PKD2L2: variants seen among roughly 807,000 people sequenced by gnomAD.
PKD2L2 encodes the protein polycystin 2 like 2, transient receptor potential cation channel.
PKD2L2 carries 67 observed loss-of-function variants against 83.9 expected under a neutral mutation model. The ratio of observed to expected loss-of-function variants is 0.80; its 90% confidence interval spans 0.66 to 0.98. The LOEUF (loss-of-function observed/expected upper bound fraction) is 0.98, where lower values mean the gene tolerates loss of function less well. Ranked by LOEUF, PKD2L2 falls within the 50% of genes least tolerant of loss-of-function variation. The pLI, the probability that PKD2L2 is intolerant of heterozygous loss-of-function variation, is 0.00. For synonymous variants in PKD2L2, 223 were observed against 237.8 expected, an observed-to-expected ratio of 0.94 and a Z score of 0.57; for missense variants, 632 against 717.2, an observed-to-expected ratio of 0.88 and a Z score of 1.36.
intron 4 of PKD2L2, among the ~76,000 whole-genome samples, chr5:137,897,131 A>G (rs1756552639): frequency 6.6e-6 from 1 of 151,148 alleles, no homozygotes; most frequent in Non-Finnish European, 1.5e-5. Context: ...ATCATAGCTC[A>G]CTGCAGCCTT....
chr5:137,924,862 G>A (rs947970734), intron 10 of PKD2L2, among the ~76,000 whole-genome samples, 178 bp from the exon 11 acceptor site: 12 of 152,126 alleles, frequency 7.9e-5, no homozygotes, highest in Non-Finnish European at 1.6e-4. Flanking sequence ...TTCACCAGCA[G>A]GCGTAAACCA....
intron 4 of PKD2L2, 140 bp downstream of exon 4, chr5:137,894,749 G>T: frequency 1.5e-6 from 1 of 648,758 alleles, no homozygotes; most frequent in African/African-American, 1.8e-5. Context: ...GGAAGATGTG[G>T]AGATAGCAGT....
At chr5:137,938,403 C>G (rs1316277876) in intron 14 of PKD2L2, 2 of 152,562 alleles carry the variant, frequency 1.3e-5, no homozygotes, top group Non-Finnish European at 2.9e-5. Flanking sequence ...ATAAGATACA[C>G]AGTGCACATA....
intron 4 of PKD2L2, among the ~76,000 whole-genome samples, chr5:137,897,765 T>C (rs1045283225): frequency 6.6e-6 from 1 of 152,110 alleles, no homozygotes; most frequent in African/African-American, 2.4e-5. Flanking sequence ...AAAACATAGG[T>C]ACTTTTTCCT....
intron 14 of PKD2L2, chr5:137,942,076 C>T (rs1420210104): frequency 6.5e-7 from 1 of 1,529,506 alleles, no homozygotes; most frequent in Admixed American, 1.7e-5. Context: ...TACTGAAGGG[C>T]ACACTTGATT....
chr5:137,935,651 G>A (rs11743778), intron 12 of PKD2L2, 146 bp from the exon 13 acceptor site: 39,837 of 582,252 alleles, frequency 0.068, 1,543 homozygotes, highest in Middle Eastern at 0.11. Flanking sequence ...CTAAAATCTA[G>A]GCAGGGCAAA....
intron 8 of PKD2L2, among the ~76,000 whole-genome samples, chr5:137,916,595 T>A (rs1758375864): frequency 6.8e-6 from 1 of 146,830 alleles, no homozygotes; most frequent in African/African-American, 2.5e-5. Context: ...TTCTCGTGCC[T>A]CAGCCTCCCA....
chr5:137,892,967 G>A (rs984793017), intron 3 of PKD2L2, among the ~76,000 whole-genome samples: 1 of 152,114 alleles, frequency 6.6e-6, no homozygotes, highest in Non-Finnish European at 1.5e-5. Context: ...ACATTAGCCA[G>A]GCATGGTGAC....
At chr5:137,930,706 GAAAAC>G (rs1447142983) in intron 12 of PKD2L2, among the ~76,000 whole-genome samples, 1 of 135,200 alleles carries the variant, frequency 7.4e-6, no homozygotes, top group African/African-American at 2.7e-5. Context: ...AGAATTCCAA[GAAAAC>G]AAAATAATAA....
Position 137,942,736 on chromosome 5 carries a change from C to T in PKD2L2, c.*370C>T. ...GGAATGACAATAAATATTTGCAAATCACACTTGAAAAGCATGTGTCCTTTG... is the reference window on the plus strand; with the variant it reads ...GGAATGACAATAAATATTTGCAAATTACACTTGAAAAGCATGTGTCCTTTG... On this transcript the variant is annotated 3_prime_UTR_variant, in exon 15 of 15. Transcript: ENST00000508883. 1.6e-6 allele frequency: 1 copy of T among 637,108 alleles called. No homozygotes were observed. The highest frequency in any genetic ancestry group is 2.5e-6 in the Non-Finnish European group (1 of 398,170). 39.5% of individuals were successfully genotyped at this position (637,108 alleles called of 1,614,324 possible). A position where few individuals can be genotyped will look rare whatever the true frequency, so the allele number is the denominator to read the frequency against.
rs148847808 is a variant in PKD2L2, at chr5:137,891,558, C to T, written c.134-922C>T. Among the ~76,000 whole-genome samples the T allele has an allele frequency of 1.3e-3, 198 of 152,044 alleles. 4 individuals carry two copies. Among genetic ancestry groups the T allele is most frequent in the Middle Eastern group, 0.01 (3 of 292 alleles). On this transcript the variant is annotated intron_variant, in intron 2 of 14. Transcript: ENST00000508883. ...AAAGCTTGGTTATGAAAACTACATG[C>T]TTACTACAGAACATTTGGAAAATGT...
At chr5:137,930,539 C>T (rs142681933) in intron 12 of PKD2L2, among the ~76,000 whole-genome samples, 1 of 151,840 alleles carries the variant, frequency 6.6e-6, no homozygotes, top group African/African-American at 2.4e-5. Flanking sequence ...GGTGTGGTGG[C>T]ACACGCCTAT....
chr5:137,941,993 G>T, intron 14 of PKD2L2: 1 of 1,613,962 alleles, frequency 6.2e-7, no homozygotes, highest in Non-Finnish European at 8.5e-7. Flanking sequence ...AACGTTTTGC[G>T]TAGTTTCTTT....
At chr5:137,899,835 G>A in intron 5 of PKD2L2, 98 bp downstream of exon 5, 2 of 592,306 alleles carry the variant, frequency 3.4e-6, no homozygotes, top group Admixed American at 6.7e-5. Flanking sequence ...AGTTTGAACT[G>A]CACAGGTCCA....
chr5:137,931,022 G>A (rs1174979297), intron 12 of PKD2L2, among the ~76,000 whole-genome samples: 1 of 152,034 alleles, frequency 6.6e-6, no homozygotes, highest in African/African-American at 2.4e-5. Context: ...AATTACAATG[G>A]GGGAAATAAG....
intron 5 of PKD2L2, among the ~76,000 whole-genome samples, chr5:137,901,049 T>C (rs1229234047): frequency 6.6e-6 from 1 of 151,560 alleles, no homozygotes; most frequent in African/African-American, 2.4e-5. Flanking sequence ...GCTGGGAGAA[T>C]CGCTTGAACC....
At chr5:137,898,398 G>A (rs1170966672) in intron 4 of PKD2L2, among the ~76,000 whole-genome samples, 1 of 152,130 alleles carries the variant, frequency 6.6e-6, no homozygotes, top group Admixed American at 6.6e-5. Flanking sequence ...GACAGATTAT[G>A]AAGCATGTTT....
In PKD2L2 at chr5:137,892,557, C is replaced by A. The variant is rs371630015; in HGVS notation, c.211C>A (p.Pro71Thr). The stretch of plus-strand genomic sequence containing the variant: ...ATCTCTATTTTTGGACACTTCTGTG[C>A]CTGGTGAAGAAAGAACCAACTTTAA... ...MSSLFLDTSVPGEERTNFKSI... is the reference protein window; with the variant it reads ...MSSLFLDTSVTGEERTNFKSI... Residue 71 changes from proline to threonine, a missense_variant, in exon 3 of 15, where the codon CCT (proline) becomes ACT (threonine). By Grantham distance (38) the Pro-to-Thr change is conservative. Coordinates refer to ENST00000508883, the MANE Select transcript of PKD2L2 (RefSeq NM_001300921.2). The A allele has an allele frequency of 5.6e-6, 9 of 1,611,544 alleles. No homozygotes were observed. Among genetic ancestry groups the A allele is most frequent in the East Asian group, 2.2e-5 (1 of 44,656 alleles).
intron 5 of PKD2L2, 141 bp downstream of exon 5, chr5:137,899,878 G>A: frequency 4.1e-6 from 2 of 485,262 alleles, no homozygotes; most frequent in Non-Finnish European, 7.3e-6. Context: ...TAAATATATT[G>A]GAAAATGTTT....
Sources: gnomAD v4.1 joint callset for allele counts (sites outside exome capture counted in the v4.1 genomes callset) on GRCh38, gnomAD v4.1.1 for gene constraint, MANE v1.5 for transcripts, NCBI Gene and HGNC (gene_info 2026-07-23, HGNC 2026-07-21) for gene names.